Variants in EDAR observed in about 807,000 individuals in gnomAD.
EDAR encodes the protein ectodysplasin A receptor.
A neutral mutation model predicts 51.3 loss-of-function variants in EDAR; 38 were observed. That is an observed-to-expected ratio of 0.74 (90% confidence interval 0.57 to 0.97). The LOEUF is 0.97. Among genes scored for constraint, EDAR ranks in the 50% least tolerant of loss-of-function variants. The pLI is 0.00. For missense variants in EDAR, 528 were observed against 595.0 expected (o/e 0.89, Z 1.17); for synonymous variants, 227 against 242.1 (o/e 0.94, Z 0.58).
chr2:108,919,329 G>A lies in EDAR; in HGVS notation c.442+4039C>T, dbSNP rs535221656. The stretch of plus-strand genomic sequence containing the variant: ...AAGAAAACAGCTGCCAGGCTATTGC[G>A]TTCTTTCATTAACCCTCTGACCGCT... On this transcript the variant is annotated intron_variant, in intron 5 of 11. Coordinates refer to ENST00000258443, the MANE Select transcript of EDAR (RefSeq NM_022336.4). Among the ~76,000 whole-genome samples the A allele has an allele frequency of 1.9e-3, 289 of 152,254 alleles. 1 individual carries two copies. Among genetic ancestry groups the A allele is most frequent in the Non-Finnish European group, 3.4e-3 (233 of 68,014 alleles).
At chr2:108,949,025 G>T (rs142962187) in intron 1 of EDAR, among the ~76,000 whole-genome samples, 15 of 152,170 alleles carry the variant, frequency 9.9e-5, no homozygotes, top group African/African-American at 3.6e-4. Context: ...CACCCAGGCT[G>T]GAGTGCAGTG....
At chr2:108,902,813 T>C (rs1279729799) in intron 11 of EDAR, among the ~76,000 whole-genome samples, 3 of 152,138 alleles carry the variant, frequency 2.0e-5, no homozygotes, top group African/African-American at 4.8e-5. Flanking sequence ...TGGTGAAAAA[T>C]GGAATGCTTT....
intron 1 of EDAR, among the ~76,000 whole-genome samples, chr2:108,976,405 A>G (rs1337760322): frequency 6.6e-6 from 1 of 152,346 alleles, no homozygotes; most frequent in East Asian, 1.9e-4. Flanking sequence ...AGCATGGCTC[A>G]GGATTGCTGA....
chr2:108,986,198 C>T (rs574639580), intron 1 of EDAR, among the ~76,000 whole-genome samples: 2 of 152,186 alleles, frequency 1.3e-5, no homozygotes, highest in East Asian at 1.9e-4. Flanking sequence ...TTAGACTGAA[C>T]CACCTACAAT....
chr2:108,934,235 G>C (rs1437916909), intron 1 of EDAR, among the ~76,000 whole-genome samples: 1 of 152,196 alleles, frequency 6.6e-6, no homozygotes, highest in Admixed American at 6.5e-5. Flanking sequence ...GAGAGGGTGA[G>C]TGGGGTCTGG....
chr2:108,969,856 G>C (rs768564176), intron 1 of EDAR, among the ~76,000 whole-genome samples: 11 of 152,152 alleles, frequency 7.2e-5, no homozygotes, highest in Admixed American at 4.6e-4. Flanking sequence ...ACTTGTGCAG[G>C]GATCCAAAAA....
intron 9 of EDAR, among the ~76,000 whole-genome samples, chr2:108,909,031 C>T (rs1696864244): frequency 6.6e-6 from 1 of 152,076 alleles, no homozygotes; most frequent in Non-Finnish European, 1.5e-5. Context: ...GTCTCTGAGA[C>T]CTAAGGACAA....
At chr2:108,948,240 C>CT (rs1697751774) in intron 1 of EDAR, among the ~76,000 whole-genome samples, 1 of 152,206 alleles carries the variant, frequency 6.6e-6, no homozygotes, top group African/African-American at 2.4e-5. Flanking sequence ...CCACCTAAGC[C>CT]TGGACTTCAT....
intron 1 of EDAR, among the ~76,000 whole-genome samples, chr2:108,942,621 G>T (rs1697625990): frequency 6.6e-6 from 1 of 152,246 alleles, no homozygotes; most frequent in South Asian, 2.1e-4. Context: ...CGTGAGGCGG[G>T]CGGTTCCGCC....
intron 1 of EDAR, among the ~76,000 whole-genome samples, chr2:108,937,028 G>A (rs1339149261): frequency 2.6e-5 from 4 of 152,220 alleles, no homozygotes; most frequent in Non-Finnish European, 5.9e-5. Flanking sequence ...GTGCTGTGCC[G>A]GGGAACAGAC....
intron 1 of EDAR, among the ~76,000 whole-genome samples, chr2:108,959,897 A>G (rs541183733): frequency 1.3e-5 from 2 of 152,272 alleles, no homozygotes; most frequent in Admixed American, 1.3e-4. Context: ...TCCAAGTGAA[A>G]CCAACACTTG....
chr2:108,983,995 C>T (rs988789047), intron 1 of EDAR, among the ~76,000 whole-genome samples: 13 of 152,198 alleles, frequency 8.5e-5, no homozygotes, highest in South Asian at 2.1e-4. Flanking sequence ...AGGGGGGCGA[C>T]GGCGATGTCT....
At chr2:108,956,790 T>TG (rs202031747) in intron 1 of EDAR, among the ~76,000 whole-genome samples, 1,549 of 129,500 alleles carry the variant, frequency 0.012, 25 homozygotes, top group African/African-American at 0.051. Context: ...CTCTCTTTTT[T>TG]TTTTTGTTTT....
At chr2:108,951,151 A>G (rs1444027475) in intron 1 of EDAR, among the ~76,000 whole-genome samples, 2 of 152,244 alleles carry the variant, frequency 1.3e-5, no homozygotes, top group Admixed American at 1.3e-4. Flanking sequence ...ATGTAGCTTG[A>G]AGCCTTTTTT....
intron 1 of EDAR, among the ~76,000 whole-genome samples, chr2:108,944,379 G>T (rs1483506567): frequency 1.3e-5 from 2 of 152,220 alleles, no homozygotes; most frequent in African/African-American, 4.8e-5. Context: ...CTCCCAAAGT[G>T]CTGGGATTAC....
rs1049622249 is a variant in EDAR at position 108,930,192 on chromosome 2, G to A, written c.102C>T (p.Asn34=). 13 of 1,613,964 alleles carry A rather than the reference G, an allele frequency of 8.1e-6. No individual in the cohort carries two copies. Among genetic ancestry groups the A allele is most frequent in the Middle Eastern group, 1.6e-4 (1 of 6,084 alleles). The change falls in exon 3 of 12, where the codon AAC becomes AAT. Residue 34 remains asparagine (N), a synonymous_variant. Coordinates refer to ENST00000258443, the MANE Select transcript of EDAR (RefSeq NM_022336.4). ...ARAEYSNCGE[N]EYYNQTTGLC... ...GCCCCGTAGTCTGGTTGTAGTACTC[G>A]TTCTCACCGCAGTTTGAGTATTCCG... is the stretch of plus-strand genomic sequence containing the variant.
At chr2:108,931,062 T>C in intron 1 of EDAR, 30 bp from the exon 2 acceptor site, 1 of 1,596,502 alleles carries the variant, frequency 6.3e-7, no homozygotes, top group Non-Finnish European at 8.6e-7. Context: ...AGCTGGGCAC[T>C]GGCGGTAGCA....
At position 108,948,834 on chromosome 2, in the gene EDAR, T is replaced by C. The variant is rs559635254; in HGVS notation, c.-18-17802A>G. 9.9e-5 allele frequency among the ~76,000 whole-genome samples: 15 copies of C among 151,964 alleles called. No individual in the cohort carries two copies. In the East Asian group the frequency reaches 2.9e-3, roughly 29 times the overall value. On this transcript the variant is annotated intron_variant, in intron 1 of 11. Transcript: ENST00000258443. ...AATCATCATATACTAAAAAGTAGAGTTGGCCAGGCATGGTGGCTCATGCGT... is the reference window on the plus strand; with the variant it reads ...AATCATCATATACTAAAAAGTAGAGCTGGCCAGGCATGGTGGCTCATGCGT...
At chr2:108,986,172 T>TA (rs1698493154) in intron 1 of EDAR, among the ~76,000 whole-genome samples, 1 of 152,214 alleles carries the variant, frequency 6.6e-6, no homozygotes, top group African/African-American at 2.4e-5. Flanking sequence ...AGTTTTTTTT[T>TA]AGTTACTAGA....
Sources: gnomAD v4.1 joint callset for allele counts (sites outside exome capture counted in the v4.1 genomes callset) on GRCh38, gnomAD v4.1.1 for gene constraint, MANE v1.5 for transcripts, NCBI Gene and HGNC (gene_info 2026-07-23, HGNC 2026-07-21) for gene names.